Variants in SLC44A1 observed in about 807,000 individuals in gnomAD.
SLC44A1 encodes the protein solute carrier family 44 member 1.
Under a neutral mutation model 79.3 loss-of-function variants are expected in SLC44A1, and 26 were observed. The ratio of observed to expected loss-of-function variants is 0.33; its 90% CI spans 0.24 to 0.46. The LOEUF is 0.46. Ranked by LOEUF, SLC44A1 falls within the 20% of genes least tolerant of loss-of-function variation. The pLI is 1.00. For missense variants in SLC44A1, 688 were observed against 798.1 expected (o/e 0.86, Z 1.66); for synonymous variants, 263 against 286.2 (o/e 0.92, Z 0.82).
intron 1 of SLC44A1, among the ~76,000 whole-genome samples, chr9:105,285,050 T>C (rs1291501094): frequency 6.6e-6 from 1 of 152,248 alleles, no homozygotes; most frequent in East Asian, 1.9e-4. Context: ...TAGAATGTTT[T>C]CAAGGTTCAT....
At chr9:105,287,252 T>C (rs1830500064) in intron 1 of SLC44A1, among the ~76,000 whole-genome samples, 1 of 152,224 alleles carries the variant, frequency 6.6e-6, no homozygotes, top group Non-Finnish European at 1.5e-5. Flanking sequence ...ACCTTAGATA[T>C]ATATACTTTT....
intron 3 of SLC44A1, among the ~76,000 whole-genome samples, chr9:105,326,929 T>A (rs1381308861): frequency 6.6e-6 from 1 of 152,236 alleles, no homozygotes; most frequent in Non-Finnish European, 1.5e-5. Context: ...TGGAACGTCA[T>A]CCTTGTCCTT....
Position 105,385,481 on chromosome 9 carries a change from T to A in SLC44A1, c.1929T>A (p.Asp643Glu). ...AAGCTGGTAAGGGAGGCGTCGCTGA[T>A]TCCAGAGAGCTAAAGCCGATGGTAG... Reference protein sequence around the residue: ...MKEAGKGGVADSRELKPMASG... With the variant: ...MKEAGKGGVAESRELKPMASG... The change falls in exon 15 of 16, where the codon GAT (aspartate) becomes GAA (glutamate). Residue 643 changes from aspartate to glutamate, a missense_variant. By Grantham distance (45) the Asp-to-Glu change is conservative. Coordinates refer to ENST00000374720, the MANE Select transcript of SLC44A1 (RefSeq NM_080546.5). 1 of 1,581,360 alleles carries A rather than the reference T, an allele frequency of 6.3e-7. No individual in the cohort carries two copies. The highest frequency in any genetic ancestry group is 1.2e-5 in the South Asian group (1 of 86,012).
intron 6 of SLC44A1, 121 bp downstream of exon 6, chr9:105,356,502 A>G (rs745439745): frequency 2.3e-5 from 14 of 607,590 alleles, no homozygotes; most frequent in Non-Finnish European, 4.0e-5. Context: ...CCCATAGCCA[A>G]AATCATTGTT....
At chr9:105,326,408 A>G (rs573443522) in intron 3 of SLC44A1, among the ~76,000 whole-genome samples, 9 of 152,290 alleles carry the variant, frequency 5.9e-5, no homozygotes, top group East Asian at 1.9e-4. Flanking sequence ...TCAGTTTATT[A>G]TAAGTAATAT....
intron 15 of SLC44A1, among the ~76,000 whole-genome samples, chr9:105,430,501 A>T (rs1441721736): frequency 2.0e-5 from 3 of 152,110 alleles, no homozygotes; most frequent in Admixed American, 2.0e-4. Flanking sequence ...CCTATTTTGG[A>T]TTCACGTGAA....
chr9:105,416,767 AGGT>A (rs1235517878), intron 15 of SLC44A1, among the ~76,000 whole-genome samples: 1 of 152,238 alleles, frequency 6.6e-6, no homozygotes, highest in African/African-American at 2.4e-5. Context: ...TTTATCCTGT[AGGT>A]GGTGAATAAC....
chr9:105,335,607 G>A lies in SLC44A1; in HGVS notation c.314G>A (p.Arg105Gln), dbSNP rs117349601. Residue 105 changes from arginine (R) to glutamine (Q), a missense_variant, in exon 4 of 16, where the codon CGG becomes CAG. Coordinates refer to ENST00000374720, the MANE Select transcript of SLC44A1 (RefSeq NM_080546.5). ...CCATGCAACCTGGACTTGATAAACC[G>A]GAAGATTAAGTCTGTAGCACTGTGT... is the stretch of plus-strand genomic sequence containing the variant. ...LDPCNLDLIN[R>Q]KIKSVALCVA... 2.8e-4 allele frequency: 449 copies of A among 1,612,968 alleles called. 1 individual carries two copies. The East Asian group carries it at 6.7e-3, about 24-fold the overall frequency.
chr9:105,438,124 G>T (rs1829486866), intron 15 of SLC44A1, among the ~76,000 whole-genome samples: 3 of 150,038 alleles, frequency 2.0e-5, no homozygotes, highest in African/African-American at 7.5e-5. Context: ...TTTTAAATTT[G>T]TTAATCTGTG....
chr9:105,339,017 G>A (rs770774014), intron 4 of SLC44A1, among the ~76,000 whole-genome samples: 4 of 152,168 alleles, frequency 2.6e-5, no homozygotes, highest in East Asian at 1.9e-4. Context: ...AGAAAGCTGC[G>A]TGGCATTGCA....
At chr9:105,316,011 C>A (rs1831313992) in intron 3 of SLC44A1, among the ~76,000 whole-genome samples, 1 of 152,150 alleles carries the variant, frequency 6.6e-6, no homozygotes, top group African/African-American at 2.4e-5. Flanking sequence ...AACAAGCGAC[C>A]TAAGTGGTTG....
intron 15 of SLC44A1, among the ~76,000 whole-genome samples, chr9:105,416,293 A>G (rs1402374707): frequency 6.7e-6 from 1 of 149,618 alleles, no homozygotes; most frequent in East Asian, 1.9e-4. Context: ...TCCAGGCAAG[A>G]TAAAAAAAAA....
At chr9:105,374,898 A>G (rs1308780572) in intron 13 of SLC44A1, among the ~76,000 whole-genome samples, 163 bp downstream of exon 13, 1 of 152,266 alleles carries the variant, frequency 6.6e-6, no homozygotes, top group East Asian at 1.9e-4. Context: ...AGTACTTGAC[A>G]TATATTGTGC....
At chr9:105,414,136 C>G (rs1351316784) in intron 15 of SLC44A1, among the ~76,000 whole-genome samples, 1 of 150,980 alleles carries the variant, frequency 6.6e-6, no homozygotes, top group Non-Finnish European at 1.5e-5. Flanking sequence ...GATCTTGGCT[C>G]ACTGCAACCT....
In SLC44A1 at chr9:105,383,236, C is replaced by T. The variant is rs145930596; in HGVS notation, c.1746C>T (p.Val582=). The part of the protein sequence containing the change: ...LIIVCLFAFL[V]AHCFLSIYEM... Reference sequence around the variant, plus strand: ...TCGTCTGCCTCTTTGCTTTCCTAGTCGCTCATTGCTTCCTGTCTATTTATG... The same window carrying T: ...TCGTCTGCCTCTTTGCTTTCCTAGTTGCTCATTGCTTCCTGTCTATTTATG... The change falls in exon 14 of 16, where the codon GTC becomes GTT. Residue 582 remains valine, a synonymous_variant. Coordinates refer to ENST00000374720, the MANE Select transcript of SLC44A1 (RefSeq NM_080546.5). 4.3e-6 allele frequency: 7 copies of T among 1,613,798 alleles called. No individual in the cohort carries two copies. In the East Asian group the frequency reaches 8.9e-5, roughly 21 times the overall value.
intron 1 of SLC44A1, among the ~76,000 whole-genome samples, chr9:105,280,808 T>G (rs1190159973): frequency 6.6e-6 from 1 of 152,180 alleles, no homozygotes; most frequent in Non-Finnish European, 1.5e-5. Context: ...ATTTGCTGAT[T>G]TCCATGGTGT....
chr9:105,356,795 G>A (rs1311986608), intron 6 of SLC44A1, among the ~76,000 whole-genome samples: 1 of 152,034 alleles, frequency 6.6e-6, no homozygotes, highest in Admixed American at 6.6e-5. Context: ...GATTACTTTT[G>A]AAGTATGTAA....
chr9:105,392,968 A>G lies in SLC44A1; in HGVS notation c.*3912A>G, dbSNP rs1828799103. 1 of 961,282 alleles carries G rather than the reference A, an allele frequency of 1.0e-6. No individual in the cohort carries two copies. Among genetic ancestry groups the G allele is most frequent in the East Asian group, 1.2e-4 (1 of 8,468 alleles). 59.5% of individuals were successfully genotyped at this position (961,282 alleles called of 1,614,324 possible). On this transcript the variant is annotated 3_prime_UTR_variant, in exon 16 of 16. Transcript: ENST00000374720. Reference sequence around the variant, plus strand: ...TCTACTGCTACTTTAAAAAAAAAACAACAACAACAAATAAAACTCTCAGAG... The same window carrying G: ...TCTACTGCTACTTTAAAAAAAAAACGACAACAACAAATAAAACTCTCAGAG...
intron 1 of SLC44A1, among the ~76,000 whole-genome samples, chr9:105,276,914 C>T (rs1319033262): frequency 6.6e-6 from 1 of 152,040 alleles, no homozygotes; most frequent in East Asian, 1.9e-4. Flanking sequence ...TATGGGGTTT[C>T]GAGCAGAGGA....
Sources: gnomAD v4.1 joint callset for allele counts (sites outside exome capture counted in the v4.1 genomes callset) on GRCh38, gnomAD v4.1.1 for gene constraint, MANE v1.5 for transcripts, NCBI Gene and HGNC (gene_info 2026-07-23, HGNC 2026-07-21) for gene names.